Variants in CHCHD3 observed in about 807,000 individuals in gnomAD.
CHCHD3 encodes the protein MICOS complex subunit MIC19.
CHCHD3 carries 20 observed loss-of-function variants against 38.2 expected under a neutral mutation model. The observed-to-expected ratio is 0.52, with a 90% CI of 0.37 to 0.76. CHCHD3 has a LOEUF of 0.76. Ranked by LOEUF, CHCHD3 falls within the 30% of genes least tolerant of loss-of-function variation. The pLI is 0.00. For synonymous variants in CHCHD3, 82 were observed against 100.0 expected (o/e 0.82, Z 1.07); for missense variants, 245 against 279.2 (o/e 0.88, Z 0.87).
chr7:132,885,466 C>T (rs977744006), intron 5 of CHCHD3, among the ~76,000 whole-genome samples, 196 bp downstream of exon 5: 2 of 152,058 alleles, frequency 1.3e-5, no homozygotes, highest in South Asian at 2.1e-4. Flanking sequence ...GAACAAATAA[C>T]GCAACCATTC....
chr7:133,061,808 C>T (rs1814524646), intron 2 of CHCHD3, among the ~76,000 whole-genome samples: 1 of 152,204 alleles, frequency 6.6e-6, no homozygotes, highest in South Asian at 2.1e-4. Flanking sequence ...TTGTCATAAG[C>T]ATGCCATAGC....
intron 1 of CHCHD3, among the ~76,000 whole-genome samples, chr7:133,071,399 T>G (rs1584687262): frequency 6.6e-6 from 1 of 152,284 alleles, no homozygotes; most frequent in East Asian, 1.9e-4. Context: ...AGGTAGAGAT[T>G]CCAAATTTTG....
chr7:132,816,075 G>A (rs1014265649), intron 6 of CHCHD3, among the ~76,000 whole-genome samples: 1 of 152,150 alleles, frequency 6.6e-6, no homozygotes, highest in African/African-American at 2.4e-5. Context: ...GGACTTTCTT[G>A]GTTCGGCACT....
At chr7:132,999,482 C>T (rs1324515809) in intron 3 of CHCHD3, among the ~76,000 whole-genome samples, 1 of 152,114 alleles carries the variant, frequency 6.6e-6, no homozygotes, top group African/African-American at 2.4e-5. Flanking sequence ...ACTGAAATTT[C>T]CATTATGGTT....
At chr7:133,073,932 T>A (rs964093397) in intron 1 of CHCHD3, among the ~76,000 whole-genome samples, 1 of 152,180 alleles carries the variant, frequency 6.6e-6, no homozygotes, top group African/African-American at 2.4e-5. Context: ...CACGCCTACA[T>A]TGCCCTCTCT....
intron 2 of CHCHD3, among the ~76,000 whole-genome samples, chr7:133,032,624 A>G (rs1813534164): frequency 6.6e-6 from 1 of 152,214 alleles, no homozygotes; most frequent in Admixed American, 6.5e-5. Context: ...GAAAGAAAAC[A>G]TCAATACTGG....
chr7:133,007,385 T>A (rs1008842060), intron 3 of CHCHD3, among the ~76,000 whole-genome samples: 1 of 152,256 alleles, frequency 6.6e-6, no homozygotes, highest in Non-Finnish European at 1.5e-5. Flanking sequence ...ATGGGATTAG[T>A]TAAACTGACT....
intron 3 of CHCHD3, among the ~76,000 whole-genome samples, chr7:133,013,358 T>C (rs1812937579): frequency 6.6e-6 from 1 of 152,124 alleles, no homozygotes; most frequent in Non-Finnish European, 1.5e-5. Context: ...TTTCTGGCTA[T>C]GTGGCTATAA....
intron 3 of CHCHD3, among the ~76,000 whole-genome samples, chr7:132,986,373 G>A (rs7802741): frequency 0.021 from 2,728 of 132,658 alleles, 95 homozygotes; most frequent in African/African-American, 0.069. Flanking sequence ...CCCCCTCTGC[G>A]AGAAACACCC....
In CHCHD3 at chr7:132,844,701, G is replaced by GT. The variant is rs547881554; in HGVS notation, c.454-6233dup. On this transcript the variant is annotated intron_variant, in intron 5 of 7. Transcript: ENST00000262570. ...CTCATAAATTTAAAGTAGAATGACA[G>GT]TACCTCTTAGATGTGTTAGCACTAT... Among the ~76,000 whole-genome samples the GT allele has an allele frequency of 8.7e-4, 133 of 152,190 alleles. No individual in the cohort carries two copies. In the Middle Eastern group the frequency reaches 0.028, roughly 32 times the overall value.
intron 4 of CHCHD3, among the ~76,000 whole-genome samples, chr7:132,913,904 G>T: frequency 6.6e-6 from 1 of 151,366 alleles, no homozygotes; most frequent in African/African-American, 2.4e-5. Context: ...GTATTTCAAG[G>T]TGTACTTATC....
rs143932288 is a variant in CHCHD3 at position 132,823,961 on chromosome 7, A to T, written c.524+14438T>A. On this transcript the variant is annotated intron_variant, in intron 6 of 7. Coordinates refer to ENST00000262570, the MANE Select transcript of CHCHD3 (RefSeq NM_017812.4). ...GACTTCCCCAGGCAACATCCTATGA[A>T]CCCAATCTTTCCTCAACTCTCTCCT... is the stretch of plus-strand genomic sequence containing the variant. Among the ~76,000 whole-genome samples the T allele has an allele frequency of 3.3e-5, 5 of 152,286 alleles. No homozygotes were observed. In the East Asian group the frequency reaches 9.6e-4, roughly 29 times the overall value.
chr7:132,867,044 T>A (rs1202268805), intron 5 of CHCHD3, among the ~76,000 whole-genome samples: 1 of 152,074 alleles, frequency 6.6e-6, no homozygotes, highest in Non-Finnish European at 1.5e-5. Flanking sequence ...TCTCCTCTTA[T>A]TGAGTCATTT....
intron 2 of CHCHD3, among the ~76,000 whole-genome samples, chr7:133,026,721 C>T (rs1813348072): frequency 1.3e-5 from 2 of 152,072 alleles, no homozygotes; most frequent in Non-Finnish European, 2.9e-5. Flanking sequence ...CTGATACATG[C>T]TACAACATGA....
intron 2 of CHCHD3, among the ~76,000 whole-genome samples, chr7:133,034,086 C>T (rs1051219245): frequency 6.6e-6 from 1 of 152,106 alleles, no homozygotes; most frequent in African/African-American, 2.4e-5. Context: ...TCCCAAACAT[C>T]GATTTATTTC....
At chr7:132,943,390 T>C (rs1810816739) in intron 4 of CHCHD3, among the ~76,000 whole-genome samples, 1 of 152,062 alleles carries the variant, frequency 6.6e-6, no homozygotes, top group Non-Finnish European at 1.5e-5. Flanking sequence ...AATATACCAA[T>C]TGGACAGAAT....
At chr7:133,018,873 C>CTAT (rs1659169822) in intron 3 of CHCHD3, among the ~76,000 whole-genome samples, 2 of 77,964 alleles carry the variant, frequency 2.6e-5, no homozygotes, top group African/African-American at 4.8e-5. Flanking sequence ...TGCATGATTT[C>CTAT]TCTTTTTTTT....
intron 4 of CHCHD3, among the ~76,000 whole-genome samples, chr7:132,904,930 T>C (rs1809758966): frequency 6.6e-6 from 1 of 152,196 alleles, no homozygotes; most frequent in Admixed American, 6.5e-5. Flanking sequence ...GACGAGTTCA[T>C]GTCCTATGCC....
chr7:132,873,095 TTAAA>T (rs1238991096), intron 5 of CHCHD3, among the ~76,000 whole-genome samples: 2 of 151,032 alleles, frequency 1.3e-5, no homozygotes, highest in African/African-American at 4.9e-5. Flanking sequence ...GTCTCAAAAA[TTAAA>T]TAAATAAATA....
Sources: gnomAD v4.1 joint callset for allele counts (sites outside exome capture counted in the v4.1 genomes callset) on GRCh38, gnomAD v4.1.1 for gene constraint, MANE v1.5 for transcripts, NCBI Gene and HGNC (gene_info 2026-07-23, HGNC 2026-07-21) for gene names.